The following ENTPD1 variants were observed in gnomAD, a reference collection of about 807,000 sequenced individuals.
ENTPD1 encodes the protein ATP diphosphohydrolase.
In ENTPD1, 33 loss-of-function variants were observed where a neutral mutation model predicts 57.0. The observed-to-expected ratio is 0.58, with a 90% confidence interval of 0.44 to 0.77. The LOEUF is 0.77. Ranked by LOEUF, ENTPD1 falls within the 30% of genes least tolerant of loss-of-function variation. The pLI is 0.00. For missense variants in ENTPD1, 501 were observed against 603.4 expected, an observed-to-expected ratio of 0.83 and a Z score of 1.78; for synonymous variants, 202 against 218.8, an observed-to-expected ratio of 0.92 and a Z score of 0.68.
chr10:95,816,953 G>T (rs865986408), intron 1 of ENTPD1, among the ~76,000 whole-genome samples: 6 of 152,174 alleles, frequency 3.9e-5, no homozygotes, highest in African/African-American at 1.2e-4. Context: ...AGGCTATTAC[G>T]TGTTGTTAGC....
In ENTPD1 at chr10:95,870,772, A is replaced by G; in HGVS notation, c.*4389A>G. On this transcript the variant is annotated 3_prime_UTR_variant, in exon 10 of 10. Transcript: ENST00000371205. ...AACTGTTAGAACATGACAGCTGCTC[A>G]TAACTAGCTTTGCTTACTAACCATG... 7 of 985,458 alleles carry G rather than the reference A, an allele frequency of 7.1e-6. No individual in the cohort carries two copies. The highest frequency in any genetic ancestry group is 7.2e-6 in the Non-Finnish European group (6 of 829,918). The allele number at this position is 985,458 out of a possible 1,614,324, so 61.0% of individuals were successfully genotyped here.
rs2098486003 is a variant in ENTPD1 at position 95,876,575 on chromosome 10, A to G, written c.*10192A>G. On this transcript the variant is annotated 3_prime_UTR_variant, in exon 10 of 10. Transcript: ENST00000371205. ...AGTACTCATGAAGATGGAAGTCTAC[A>G]TGGAGAATACAGGATGAATCCACTC... The G allele has an allele frequency of 3.2e-6, 4 of 1,230,910 alleles. No individual in the cohort carries two copies. The highest frequency in any genetic ancestry group is 4.1e-6 in the Non-Finnish European group (4 of 987,492). 76.2% of individuals were successfully genotyped at this position (1,230,910 alleles called of 1,614,324 possible).
intron 1 of ENTPD1, among the ~76,000 whole-genome samples, chr10:95,807,582 C>A (rs555366702): frequency 6.6e-6 from 1 of 152,330 alleles, no homozygotes; most frequent in East Asian, 1.9e-4. Flanking sequence ...AATCACCCAT[C>A]TTCTGGGTCA....
chr10:95,842,136 G>A (rs545854009), intron 3 of ENTPD1, among the ~76,000 whole-genome samples: 1 of 152,236 alleles, frequency 6.6e-6, no homozygotes, highest in Non-Finnish European at 1.5e-5. Context: ...ATTGAACACT[G>A]AACAGACCCA....
exon 1 of ENTPD1, chr10:95,711,810 T>G: frequency 9.4e-7 from 1 of 1,064,348 alleles, no homozygotes; most frequent in Non-Finnish European, 1.4e-6. Context: ...CAAATAAATT[T>G]GTATGCCTTT....
chr10:95,756,471 C>A, intron 1 of ENTPD1: 1 of 601,468 alleles, frequency 1.7e-6, no homozygotes, highest in African/African-American at 1.9e-5. Flanking sequence ...GGCTCTAGAG[C>A]AAGCTGGAGG....
At chr10:95,750,625 A>T (rs1011736079) in intron 1 of ENTPD1, among the ~76,000 whole-genome samples, 1 of 152,188 alleles carries the variant, frequency 6.6e-6, no homozygotes, top group Non-Finnish European at 1.5e-5. Context: ...CAATGCAAAA[A>T]TGGCCTAACA....
chr10:95,820,414 A>G (rs1482493665), intron 1 of ENTPD1, among the ~76,000 whole-genome samples: 2 of 152,256 alleles, frequency 1.3e-5, no homozygotes, highest in African/African-American at 2.4e-5. Flanking sequence ...TAACCTGGAT[A>G]TCATTGCAAA....
intron 2 of ENTPD1, among the ~76,000 whole-genome samples, chr10:95,824,348 G>A (rs563394036): frequency 8.5e-4 from 129 of 152,346 alleles, no homozygotes; most frequent in Admixed American, 1.4e-3. Context: ...TGGGAGCCTG[G>A]AAGGATGGTT....
Position 95,872,134 on chromosome 10 carries a change from G to C in ENTPD1, c.*5751G>C. On this transcript the variant is annotated 3_prime_UTR_variant, in exon 10 of 10. Coordinates refer to ENST00000371205, the MANE Select transcript of ENTPD1 (RefSeq NM_001776.6). ...ACTGTTATTGCTCCAGTAAAGAGCTGTAATATATTTTACCTGGACTGATAC... is the reference window on the plus strand; with the variant it reads ...ACTGTTATTGCTCCAGTAAAGAGCTCTAATATATTTTACCTGGACTGATAC... 3.0e-6 allele frequency: 3 copies of C among 985,416 alleles called. No individual in the cohort carries two copies. Among genetic ancestry groups the C allele is most frequent in the Non-Finnish European group, 3.6e-6 (3 of 829,942 alleles). 61.0% of individuals were successfully genotyped at this position (985,416 alleles called of 1,614,324 possible).
upstream of ENTPD1, chr10:95,755,675 G>A: frequency 6.5e-7 from 1 of 1,537,078 alleles, no homozygotes; most frequent in Non-Finnish European, 8.7e-7. Flanking sequence ...GCTCTAATGA[G>A]CCTTGAGAAA....
At chr10:95,743,997 C>CATATATAT (rs57187898) in intron 1 of ENTPD1, among the ~76,000 whole-genome samples, 1,005 of 80,746 alleles carry the variant, frequency 0.012, 27 homozygotes, top group Non-Finnish European at 0.017. Context: ...TATTTTAAAC[C>CATATATAT]ATATATATAT....
intron 1 of ENTPD1, among the ~76,000 whole-genome samples, chr10:95,739,285 C>T (rs980501656): frequency 1.3e-5 from 2 of 152,140 alleles, no homozygotes; most frequent in African/African-American, 4.8e-5. Context: ...ATTGACTCTT[C>T]CTTTTATGAC....
intron 1 of ENTPD1, among the ~76,000 whole-genome samples, chr10:95,712,950 C>T (rs553182136): frequency 4.0e-5 from 6 of 151,334 alleles, no homozygotes; most frequent in Admixed American, 4.0e-4. Context: ...AGGAGAATGG[C>T]GTGAACCCGG....
chr10:95,840,418 GCT>G (rs2098419996), intron 3 of ENTPD1, among the ~76,000 whole-genome samples: 1 of 152,170 alleles, frequency 6.6e-6, no homozygotes, highest in Non-Finnish European at 1.5e-5. Context: ...GAGATTTATT[GCT>G]CTCTTAATCT....
chr10:95,720,603 G>A (rs1346029409), intron 1 of ENTPD1, among the ~76,000 whole-genome samples: 4 of 152,122 alleles, frequency 2.6e-5, no homozygotes, highest in East Asian at 1.9e-4. Context: ...AAACATACCC[G>A]GGGCTCTGTG....
chr10:95,815,157 A>T (rs540421130), intron 1 of ENTPD1, among the ~76,000 whole-genome samples: 5 of 152,292 alleles, frequency 3.3e-5, no homozygotes, highest in Middle Eastern at 3.4e-3. Context: ...GTAGAATAAG[A>T]CCTTTCCATT....
intron 1 of ENTPD1, among the ~76,000 whole-genome samples, chr10:95,804,284 T>C (rs996290105): frequency 6.6e-6 from 1 of 152,012 alleles, no homozygotes; most frequent in Non-Finnish European, 1.5e-5. Flanking sequence ...AATCTACAAA[T>C]TACCTTGGGC....
chr10:95,763,148 C>T (rs1212172895), intron 1 of ENTPD1, among the ~76,000 whole-genome samples: 2 of 152,028 alleles, frequency 1.3e-5, no homozygotes, highest in African/African-American at 4.8e-5. Context: ...TGGTCTCAAA[C>T]TCCTGGACTC....
Sources: gnomAD v4.1 joint callset for allele counts (sites outside exome capture counted in the v4.1 genomes callset) on GRCh38, gnomAD v4.1.1 for gene constraint, MANE v1.5 for transcripts, NCBI Gene and HGNC (gene_info 2026-07-23, HGNC 2026-07-21) for gene names.